PRSS36: variants seen among roughly 807,000 people sequenced by gnomAD.
The protein encoded by PRSS36 is serine protease 36.
Under a neutral mutation model 94.3 loss-of-function variants are expected in PRSS36, and 90 were observed. That is an observed-to-expected ratio of 0.95 (90% confidence interval 0.80 to 1.14). The LOEUF is 1.14. Ranked by LOEUF, PRSS36 falls within the 50% of genes most tolerant of loss-of-function variation. The pLI, the probability that PRSS36 is intolerant of heterozygous loss-of-function variation, is 0.00. For missense variants in PRSS36, 1,158 were observed against 1,135.0 expected (o/e 1.02, Z -0.29); for synonymous variants, 500 against 489.6 (o/e 1.02, Z -0.28).
At chr16:31,144,195 G>C (rs1354998947) in intron 6 of PRSS36, among the ~76,000 whole-genome samples, 1 of 150,582 alleles carries the variant, frequency 6.6e-6, no homozygotes, top group African/African-American at 2.4e-5. Context: ...TCTTTTTTGA[G>C]ACGGAATCTC....
In PRSS36 at chr16:31,143,810, CACAG is replaced by C. The variant is rs1280701789; in HGVS notation, c.744_747del (p.Cys249ArgfsTer41). The C allele has an allele frequency of 5.9e-5, 96 of 1,613,694 alleles. No homozygotes were observed. Among genetic ancestry groups the C allele is most frequent in the Non-Finnish European group, 8.1e-5 (96 of 1,180,036 alleles). On this transcript the variant is annotated frameshift_variant, in exon 7 of 15. Transcript: ENST00000268281. LOFTEE classifies it high-confidence loss of function. Reference sequence around the variant, plus strand: ...GCCTGGAACCAGCGGCCGCCTTCCTCACAGACCAGGGGCCCCCCAGAGTCACCCT... The same window carrying C: ...GCCTGGAACCAGCGGCCGCCTTCCTCACCAGGGGCCCCCCAGAGTCACCCT...
intron 5 of PRSS36, among the ~76,000 whole-genome samples, chr16:31,146,842 G>A (rs147771849): frequency 9.9e-5 from 15 of 152,264 alleles, no homozygotes; most frequent in East Asian, 1.9e-4. Flanking sequence ...TTAGCTGGGC[G>A]TGGTGGTGGG....
Position 31,141,828 on chromosome 16 carries a change from G to T in PRSS36, c.1654C>A (p.His552Asn). 1 of 1,614,198 alleles carries T rather than the reference G, an allele frequency of 6.2e-7. No homozygotes were observed. The change falls in exon 11 of 15, where the codon CAT (histidine) becomes AAT (asparagine). Residue 552 changes from histidine (H) to asparagine (N), a missense_variant. Physicochemically the swap from His to Asn is moderately conservative, Grantham distance 68 (BLOSUM62 1). Transcript: ENST00000268281. Reference protein sequence around the residue: ...PLQTHGPWISHVTRGAYLEDQ... With the variant: ...PLQTHGPWISNVTRGAYLEDQ... The stretch of plus-strand genomic sequence containing the variant: ...TCCAGGTAGGCTCCCCGAGTCACAT[G>T]GCTGATCCATGGGCCATGAGTCTGC...
chr16:31,147,465 G>A (rs1233427611), intron 5 of PRSS36, among the ~76,000 whole-genome samples: 4 of 152,096 alleles, frequency 2.6e-5, no homozygotes, highest in South Asian at 2.1e-4. Flanking sequence ...CCAAAGCCCC[G>A]AGGATGGGCA....
intron 5 of PRSS36, among the ~76,000 whole-genome samples, chr16:31,146,618 A>T (rs1233164160): frequency 2.0e-5 from 3 of 152,170 alleles, no homozygotes; most frequent in African/African-American, 7.2e-5. Flanking sequence ...TGACGGAAAC[A>T]GCTTCAGGAT....
chr16:31,143,484 A>C lies in PRSS36; in HGVS notation c.971-13T>G. On this transcript the variant is annotated splice_polypyrimidine_tract_variant and intron_variant, in intron 7 of 14. Coordinates refer to ENST00000268281, the MANE Select transcript of PRSS36 (RefSeq NM_173502.5). ...GCCTTCCCGCACTCTGAGGGGTGAG[A>C]GGCCTGGGTCAGTGGGCCTCCTGCA... The C allele has an allele frequency of 6.2e-7, 1 of 1,605,636 alleles. No individual in the cohort carries two copies. The highest frequency in any genetic ancestry group is 8.5e-7 in the Non-Finnish European group (1 of 1,175,534).
chr16:31,146,708 G>A (rs1253389839), intron 5 of PRSS36, among the ~76,000 whole-genome samples: 4 of 152,126 alleles, frequency 2.6e-5, no homozygotes, highest in African/African-American at 7.2e-5. Context: ...TCAAAGGCGC[G>A]GTGACTCACA....
chr16:31,143,255 C>T, intron 8 of PRSS36, 87 bp downstream of exon 8: 1 of 1,511,738 alleles, frequency 6.6e-7, no homozygotes, highest in Non-Finnish European at 8.9e-7. Flanking sequence ...CCCCCACACC[C>T]CCTGGGGAGG....
intron 6 of PRSS36, 94 bp from the exon 7 acceptor site, chr16:31,143,931 C>A: frequency 1.3e-6 from 2 of 1,497,188 alleles, no homozygotes; most frequent in Non-Finnish European, 1.8e-6. Context: ...ACCACCTTCT[C>A]CCTTCTCCTA....
At chr16:31,142,336 T>C (rs1404786449) in intron 10 of PRSS36, 145 bp downstream of exon 10, 65 of 688,376 alleles carry the variant, frequency 9.4e-5, no homozygotes, top group African/African-American at 8.4e-4. Context: ...CAGGCCCCGC[T>C]CCCTCCCTAG....
At chr16:31,142,032 C>T in intron 10 of PRSS36, 72 bp from the exon 11 acceptor site, 1 of 1,334,322 alleles carries the variant, frequency 7.5e-7, no homozygotes, top group East Asian at 2.3e-5. Flanking sequence ...CTGGGGCTTT[C>T]CAGGACTCCA....
Position 31,149,455 on chromosome 16 carries a change from T to C in PRSS36, c.109+8A>G. The C allele has an allele frequency of 6.2e-7, 1 of 1,614,116 alleles. No homozygotes were observed. The highest frequency in any genetic ancestry group is 8.5e-7 in the Non-Finnish European group (1 of 1,179,996). The stretch of plus-strand genomic sequence containing the variant: ...TAAGGTCTGAGGGTGCCAAGGCCTC[T>C]TCCTTACCCAGATCTTCAGGTTCTT... On this transcript the variant is annotated splice_region_variant and intron_variant, in intron 3 of 14. Transcript: ENST00000268281.
In PRSS36 at chr16:31,139,255, G is replaced by A; in HGVS notation, c.2451C>T (p.Gly817=). The A allele has an allele frequency of 1.2e-6, 2 of 1,614,124 alleles. No individual in the cohort carries two copies. Residue 817 remains glycine (G), a synonymous_variant, in exon 15 of 15, where the codon GGC becomes GGT. Transcript: ENST00000268281. ...VGEANFLPPS[G]SPHWPTGGSN... Reference sequence around the variant, plus strand: ...TGCCTCCAGTGGGCCAGTGTGGGGAGCCACTGGGGGGCAGGAAGTTGGCCT... The same window carrying A: ...TGCCTCCAGTGGGCCAGTGTGGGGAACCACTGGGGGGCAGGAAGTTGGCCT...
At chr16:31,142,161 A>T (rs2057705550) in intron 10 of PRSS36, among the ~76,000 whole-genome samples, 1 of 152,204 alleles carries the variant, frequency 6.6e-6, no homozygotes, top group Admixed American at 6.5e-5. Flanking sequence ...AGATAGAGAG[A>T]AACCATAGCA....
chr16:31,143,762 C>A lies in PRSS36; in HGVS notation c.796G>T (p.Gly266Cys). 6.2e-7 allele frequency: 1 copy of A among 1,614,144 alleles called. No individual in the cohort carries two copies. The highest frequency in any genetic ancestry group is 1.1e-5 in the South Asian group (1 of 91,084). Residue 266 changes from glycine to cysteine, a missense_variant, in exon 7 of 15, where the codon GGC (glycine) becomes TGC (cysteine). By Grantham distance (159) the Gly-to-Cys change is radical. Transcript: ENST00000268281. Reference sequence around the variant, plus strand: ...CCAGGGCGGTTTCTCCGTCCACAGCCAAAGCCAAAGCTGGTGATTCCTGCC... The same window carrying A: ...CCAGGGCGGTTTCTCCGTCCACAGCAAAAGCCAAAGCTGGTGATTCCTGCC... ...FQAGITSFGF[G>C]CGRRNRPGVF...
intron 8 of PRSS36, 67 bp downstream of exon 8, chr16:31,143,275 C>T (rs1596849368): frequency 6.5e-7 from 1 of 1,526,930 alleles, no homozygotes; most frequent in South Asian, 1.3e-5. Flanking sequence ...GGGCTGGGGC[C>T]GAATGGATGG....
rs999411058 is a variant in PRSS36, at chr16:31,149,308, G to A, written c.110-73C>T. 8.0e-6 allele frequency: 12 copies of A among 1,508,786 alleles called. No individual in the cohort carries two copies. The Admixed American group carries it at 8.5e-5, about 11-fold the overall frequency. The allele number at this position is 1,508,786 out of a possible 1,614,324, so 93.5% of individuals were successfully genotyped here. On this transcript the variant is annotated intron_variant, in intron 3 of 14. Transcript: ENST00000268281. ...TCCAGAAGCCCAGGTAACTCAGGAC[G>A]AAGGCCCGTCCTCCACCCACTTCAG...
chr16:31,145,273 T>TAG (rs2057779693), intron 6 of PRSS36, among the ~76,000 whole-genome samples: 1 of 145,504 alleles, frequency 6.9e-6, no homozygotes, highest in Non-Finnish European at 1.5e-5. Flanking sequence ...CTCGGGAGGC[T>TAG]GAGGCAGGAG....
In PRSS36 at chr16:31,139,381, C is replaced by G. The variant is rs373502698; in HGVS notation, c.2325G>C (p.Thr775=). The G allele has an allele frequency of 6.2e-7, 1 of 1,614,084 alleles. No individual in the cohort carries two copies. ...TGCCCACGAGGATCCAGGACCCTTC[C>G]GTCATCTGGCACAGGAGGGGCGGTG... The part of the protein sequence containing the change: ...TSAPPLLCQM[T]EGSWILVGMA... Residue 775 remains threonine, a synonymous_variant, in exon 15 of 15, where the codon ACG becomes ACC. Coordinates refer to ENST00000268281, the MANE Select transcript of PRSS36 (RefSeq NM_173502.5).
Sources: gnomAD v4.1 joint callset for allele counts (sites outside exome capture counted in the v4.1 genomes callset) on GRCh38, gnomAD v4.1.1 for gene constraint, MANE v1.5 for transcripts, NCBI Gene and HGNC (gene_info 2026-07-23, HGNC 2026-07-21) for gene names.